Variants in USP54 observed in about 807,000 individuals in gnomAD.
USP54 encodes the protein ubiquitin carboxyl-terminal hydrolase 54.
In USP54, 87 loss-of-function variants were observed where a neutral mutation model predicts 170.5. The ratio of observed to expected loss-of-function variants is 0.51; its 90% CI spans 0.43 to 0.61. The LOEUF (loss-of-function observed/expected upper bound fraction) is 0.61. Ranked by LOEUF, USP54 falls within the 20% of genes least tolerant of loss-of-function variation. The probability of loss-of-function intolerance (pLI) is 0.00; values close to 1 mark genes in which losing one functional copy is unlikely to be tolerated. For missense variants in USP54, 1,786 were observed against 2,047.8 expected (o/e 0.87, Z 2.47); for synonymous variants, 655 against 742.8 (o/e 0.88, Z 1.92).
At position 73,516,984 on chromosome 10, in the gene USP54, T is replaced by G. The variant is rs141936153; in HGVS notation, c.3442A>C (p.Thr1148Pro). The change falls in exon 20 of 24, where the codon ACA (threonine) becomes CCA (proline). Residue 1148 changes from threonine to proline, a missense_variant. This residue lies in a region of USP54 where 1,418 missense variants were observed against 1,569.0 expected (regional missense o/e 0.90). Coordinates refer to ENST00000687698, the MANE Select transcript of USP54 (RefSeq NM_001391956.1). Reference protein sequence around the residue: ...RMQGVSMRDSTGFKDRSLSGS... With the variant: ...RMQGVSMRDSPGFKDRSLSGS... ...GACAAACTTCTATCCTTGAAACCTG[T>G]ACTATCCCTCATGGAGACACCCTGC... The G allele has an allele frequency of 6.2e-7, 1 of 1,614,124 alleles. No individual in the cohort carries two copies. Among genetic ancestry groups the G allele is most frequent in the Non-Finnish European group, 8.5e-7 (1 of 1,180,052 alleles).
intron 22 of USP54, 83 bp from the exon 23 acceptor site, chr10:73,500,921 G>A: frequency 6.9e-7 from 1 of 1,446,930 alleles, no homozygotes; most frequent in Non-Finnish European, 9.2e-7. Context: ...AGTGAGGCAA[G>A]CAAAGGGAAA....
At chr10:73,517,789 G>T in intron 19 of USP54, 42 bp from the exon 20 acceptor site, 1 of 1,556,816 alleles carries the variant, frequency 6.4e-7, no homozygotes, top group South Asian at 1.2e-5. Context: ...TGCCTTGACT[G>T]ACAGGAACAC....
intron 16 of USP54, among the ~76,000 whole-genome samples, chr10:73,525,906 C>G (rs1400286051): frequency 6.6e-6 from 1 of 152,218 alleles, no homozygotes; most frequent in Admixed American, 6.5e-5. Flanking sequence ...AGATATTTAG[C>G]CAGGGGTAAG....
chr10:73,574,888 G>T (rs2075876311), intron 3 of USP54, among the ~76,000 whole-genome samples: 1 of 150,362 alleles, frequency 6.7e-6, no homozygotes, highest in African/African-American at 2.4e-5. Flanking sequence ...GAAAAGAAAA[G>T]AAAAATAGGA....
At chr10:73,514,591 C>T (rs2060758469) in intron 20 of USP54, among the ~76,000 whole-genome samples, 1 of 151,240 alleles carries the variant, frequency 6.6e-6, no homozygotes, top group East Asian at 2.0e-4. Context: ...TTTGTGTATT[C>T]TTGCTTCCTT....
chr10:73,505,539 A>C, intron 20 of USP54, 113 bp from the exon 21 acceptor site: 1 of 812,954 alleles, frequency 1.2e-6, no homozygotes, highest in Non-Finnish European at 1.9e-6. Flanking sequence ...ATAAATATGC[A>C]TCCTTGAATT....
At chr10:73,561,380 C>T (rs1315511799) in intron 4 of USP54, among the ~76,000 whole-genome samples, 2 of 152,088 alleles carry the variant, frequency 1.3e-5, no homozygotes, top group Non-Finnish European at 2.9e-5. Context: ...ATCCTAGCAG[C>T]TTGGGAGGCC....
chr10:73,554,290 C>T (rs1265352611), intron 4 of USP54, among the ~76,000 whole-genome samples: 2 of 152,224 alleles, frequency 1.3e-5, no homozygotes, highest in Non-Finnish European at 2.9e-5. Context: ...ACAAACTTTA[C>T]ACCCTGCCAT....
At chr10:73,538,609 G>A (rs1373419617) in intron 10 of USP54, among the ~76,000 whole-genome samples, 5 of 151,978 alleles carry the variant, frequency 3.3e-5, no homozygotes, top group Non-Finnish European at 7.4e-5. Flanking sequence ...GAGCCCAGGA[G>A]TTCCAGACCA....
chr10:73,514,804 C>A (rs538080948), intron 20 of USP54, among the ~76,000 whole-genome samples: 374 of 152,058 alleles, frequency 2.5e-3, no homozygotes, highest in African/African-American at 8.6e-3. Flanking sequence ...CTTTGGGAGG[C>A]TGAGGCGGGG....
chr10:73,507,259 T>G (rs952568017), intron 20 of USP54: 8 of 151,734 alleles, frequency 5.3e-5, no homozygotes, highest in Admixed American at 4.6e-4. Context: ...ACAGGAAAAT[T>G]GTCTATAATA....
At chr10:73,592,040 C>G (rs993522623), upstream of USP54, among the ~76,000 whole-genome samples, 3 of 152,026 alleles carry the variant, frequency 2.0e-5, no homozygotes, top group African/African-American at 7.3e-5. Context: ...AGGGAAAGAT[C>G]TCCACCCCTC....
intron 15 of USP54, 120 bp from the exon 16 acceptor site, chr10:73,526,900 A>C: frequency 8.4e-7 from 1 of 1,192,384 alleles, no homozygotes; most frequent in Non-Finnish European, 1.1e-6. Flanking sequence ...CTTCTGCTAA[A>C]CTACTTCTGA....
At chr10:73,561,256 T>C (rs2072966326) in intron 4 of USP54, among the ~76,000 whole-genome samples, 1 of 152,090 alleles carries the variant, frequency 6.6e-6, no homozygotes, top group South Asian at 2.1e-4. Flanking sequence ...TGAGCTATTT[T>C]CCCAAAAATT....
rs771377453 is a variant in USP54 at position 73,505,309 on chromosome 10, T to C, written c.4169A>G (p.Gln1390Arg). ...LHEARTVRTS[Q>R]ATPCRGLSRE... ...CACCTTAGCACCTGAGGCTGCTACC[T>C]GAGAAGTACGCACTGTTCTGGCTTC... Residue 1390 changes from glutamine to arginine, a missense_variant and splice_region_variant, in exon 21 of 24, where the codon CAG (glutamine) becomes CGG (arginine). Gln to Arg is a conservative substitution (Grantham distance 43, BLOSUM62 1). Transcript: ENST00000687698. The C allele has an allele frequency of 6.2e-7, 1 of 1,611,932 alleles. No homozygotes were observed. The highest frequency in any genetic ancestry group is 8.5e-7 in the Non-Finnish European group (1 of 1,178,300).
rs1406934783 is a variant in USP54, at chr10:73,541,842, GC to G, written c.573-105del. 9.7e-6 allele frequency: 11 copies of G among 1,134,340 alleles called. No individual in the cohort carries two copies. In the Admixed American group the frequency reaches 1.2e-4, roughly 13 times the overall value. 70.3% of individuals were successfully genotyped at this position (1,134,340 alleles called of 1,614,324 possible). On this transcript the variant is annotated intron_variant, in intron 7 of 23. Transcript: ENST00000687698. Reference sequence around the variant, plus strand: ...CTCACACATTTGACTTTCTTCCTCTGCCCCCTATACCAAAGCCCCTGACCAG... The same window carrying G: ...CTCACACATTTGACTTTCTTCCTCTGCCCCTATACCAAAGCCCCTGACCAG...
intron 6 of USP54, 52 bp downstream of exon 6, chr10:73,542,966 G>A (rs761246611): frequency 6.2e-7 from 1 of 1,608,896 alleles, no homozygotes; most frequent in African/African-American, 1.3e-5. Flanking sequence ...CCACATCCCA[G>A]GATAAAGTGT....
rs1331542364 is a variant in USP54, at chr10:73,498,971, T to C, written c.4713A>G (p.Thr1571=). The change falls in exon 24 of 24, where the codon ACA becomes ACG. Residue 1571 remains threonine, a synonymous_variant. Coordinates refer to ENST00000687698, the MANE Select transcript of USP54 (RefSeq NM_001391956.1). ...GCNPQLTYTA[T]LPERSKGLQV... is the part of the protein sequence containing the mutation. Reference sequence around the variant, plus strand: ...GAAGGCCCTTGCTTCTTTCTGGTAGTGTGGCAGTGTAGGTTAGTTGAGGAT... The same window carrying C: ...GAAGGCCCTTGCTTCTTTCTGGTAGCGTGGCAGTGTAGGTTAGTTGAGGAT... 1.2e-6 allele frequency: 2 copies of C among 1,613,952 alleles called. No individual in the cohort carries two copies. The highest frequency in any genetic ancestry group is 8.5e-7 in the Non-Finnish European group (1 of 1,180,024).
chr10:73,527,837 CAAAAAAAAAA>C (rs1015620084), intron 15 of USP54, among the ~76,000 whole-genome samples: 1 of 43,720 alleles, frequency 2.3e-5, no homozygotes, highest in Non-Finnish European at 4.7e-5. Flanking sequence ...CCATCGATAC[CAAAAAAAAAA>C]AAAAAAAAAA....
Sources: allele counts gnomAD v4.1 joint callset (sites outside exome capture counted in the v4.1 genomes callset), GRCh38; gene constraint gnomAD v4.1.1; regional missense constraint gnomAD v4.1.1; transcripts MANE v1.5; gene names NCBI Gene and HGNC (gene_info 2026-07-23, HGNC 2026-07-21).